EPHA3: variants seen among roughly 807,000 people sequenced by gnomAD.
EPHA3 encodes the protein ephrin type-A receptor 3.
Under a neutral mutation model 107.1 loss-of-function variants are expected in EPHA3, and 42 were observed. That is an observed-to-expected ratio of 0.39 (90% CI 0.31 to 0.51). The LOEUF (loss-of-function observed/expected upper bound fraction) is 0.51, where lower values mean the gene tolerates loss of function less well. Ranked by LOEUF, EPHA3 falls within the 20% of genes least tolerant of loss-of-function variation. The pLI is 0.78. For synonymous variants in EPHA3, 461 were observed against 424.8 expected (o/e 1.09, Z -1.05); for missense variants, 1,183 against 1,211.2 (o/e 0.98, Z 0.35).
intron 2 of EPHA3, among the ~76,000 whole-genome samples, chr3:89,195,220 C>G (rs1171183868): frequency 3.9e-5 from 6 of 151,998 alleles, no homozygotes; most frequent in Admixed American, 1.3e-4. Context: ...TGCTCCTCTT[C>G]TTTGCATAAG....
intron 2 of EPHA3, among the ~76,000 whole-genome samples, chr3:89,187,587 G>T (rs1019565885): frequency 4.0e-5 from 6 of 151,864 alleles, no homozygotes; most frequent in African/African-American, 1.4e-4. Context: ...AAATGAATTT[G>T]AGCTGATGAA....
At chr3:89,321,182 C>T (rs867274338) in intron 3 of EPHA3, among the ~76,000 whole-genome samples, 4 of 151,930 alleles carry the variant, frequency 2.6e-5, no homozygotes, top group Non-Finnish European at 5.9e-5. Flanking sequence ...AGGTTCTATG[C>T]TGCGAGCATA....
intron 2 of EPHA3, among the ~76,000 whole-genome samples, chr3:89,173,399 C>G (rs955203935): frequency 6.6e-6 from 1 of 152,044 alleles, no homozygotes; most frequent in Non-Finnish European, 1.5e-5. Context: ...CTTTTAACTT[C>G]TCACAGCAGA....
At chr3:89,431,993 A>G (rs1329206099) in intron 13 of EPHA3, among the ~76,000 whole-genome samples, 2 of 152,146 alleles carry the variant, frequency 1.3e-5, no homozygotes, top group Non-Finnish European at 2.9e-5. Flanking sequence ...TTCATTGTCA[A>G]TAAATAATCT....
chr3:89,151,919 C>A (rs1049192326), intron 2 of EPHA3, among the ~76,000 whole-genome samples: 1 of 152,150 alleles, frequency 6.6e-6, no homozygotes, highest in South Asian at 2.1e-4. Flanking sequence ...GATCCACTTA[C>A]CTTTACTCTT....
chr3:89,368,694 A>G (rs748160507), intron 5 of EPHA3, among the ~76,000 whole-genome samples: 1 of 150,354 alleles, frequency 6.7e-6, no homozygotes, highest in Non-Finnish European at 1.5e-5. Flanking sequence ...GCCTTGTTCT[A>G]TTTAGGCCTT....
At chr3:89,453,782 C>A (rs141386739) in intron 15 of EPHA3, among the ~76,000 whole-genome samples, 1 of 152,080 alleles carries the variant, frequency 6.6e-6, no homozygotes, top group Non-Finnish European at 1.5e-5. Context: ...GATGTCCTTG[C>A]CAAATGCTTT....
chr3:89,209,683 T>G (rs921488442), intron 2 of EPHA3, among the ~76,000 whole-genome samples, 177 bp from the exon 3 acceptor site: 15 of 152,154 alleles, frequency 9.9e-5, no homozygotes, highest in African/African-American at 3.1e-4. Context: ...TTCATCAAAA[T>G]TATAAATTAC....
At chr3:89,371,377 G>C (rs79323282) in intron 5 of EPHA3, among the ~76,000 whole-genome samples, 4 of 151,450 alleles carry the variant, frequency 2.6e-5, no homozygotes, top group Non-Finnish European at 3.0e-5. Context: ...CTTAACTATC[G>C]TCGACATTTT....
At chr3:89,229,288 C>G (rs1451544675) in intron 3 of EPHA3, among the ~76,000 whole-genome samples, 1 of 151,808 alleles carries the variant, frequency 6.6e-6, no homozygotes, top group Non-Finnish European at 1.5e-5. Context: ...ATAAATTACT[C>G]TGTAATTTAG....
At chr3:89,320,483 A>G (rs1344431908) in intron 3 of EPHA3, among the ~76,000 whole-genome samples, 1 of 152,068 alleles carries the variant, frequency 6.6e-6, no homozygotes, top group Non-Finnish European at 1.5e-5. Flanking sequence ...ATATTCTCCA[A>G]TGTAATCATT....
intron 15 of EPHA3, among the ~76,000 whole-genome samples, chr3:89,467,428 T>G (rs1038332387): frequency 2.6e-5 from 4 of 152,198 alleles, no homozygotes; most frequent in Non-Finnish European, 5.9e-5. Flanking sequence ...CATATACTTA[T>G]TCATTCAAGA....
At chr3:89,364,661 A>G (rs1444955731) in intron 5 of EPHA3, among the ~76,000 whole-genome samples, 1 of 150,770 alleles carries the variant, frequency 6.6e-6, no homozygotes, top group Non-Finnish European at 1.5e-5. Flanking sequence ...AAAAGGCAAC[A>G]CTTGTTTTTC....
intron 2 of EPHA3, among the ~76,000 whole-genome samples, chr3:89,181,953 G>A (rs1043282673): frequency 2.6e-5 from 4 of 151,666 alleles, no homozygotes; most frequent in African/African-American, 7.3e-5. Flanking sequence ...TCATGTAAAC[G>A]TCTTAGGCAA....
chr3:89,337,536 T>C (rs1707421418), intron 3 of EPHA3, among the ~76,000 whole-genome samples: 2 of 152,228 alleles, frequency 1.3e-5, no homozygotes, highest in Non-Finnish European at 2.9e-5. Flanking sequence ...TTATAGAATC[T>C]AGCATTTTAC....
At chr3:89,113,139 A>G (rs1266361134) in intron 1 of EPHA3, among the ~76,000 whole-genome samples, 2 of 152,184 alleles carry the variant, frequency 1.3e-5, no homozygotes, top group Non-Finnish European at 2.9e-5. Context: ...TGAAACATTC[A>G]TTATATTATT....
chr3:89,341,084 G>A lies in EPHA3; in HGVS notation c.970+13G>A. ...ATGGCTTGTACCCGTGAGTAGTTTT[G>A]CTGCAACCCATGCCTCCATGTTTGT... On this transcript the variant is annotated intron_variant, in intron 4 of 16. Coordinates refer to ENST00000336596, the MANE Select transcript of EPHA3 (RefSeq NM_005233.6). 5.0e-6 allele frequency: 8 copies of A among 1,609,746 alleles called. No homozygotes were observed. Among genetic ancestry groups the A allele is most frequent in the Non-Finnish European group, 6.8e-6 (8 of 1,178,532 alleles).
chr3:89,145,236 A>G (rs1252938391), intron 2 of EPHA3, among the ~76,000 whole-genome samples: 1 of 151,256 alleles, frequency 6.6e-6, no homozygotes, highest in East Asian at 1.9e-4. Flanking sequence ...AACAAGTTAG[A>G]AACATTCTAT....
At chr3:89,217,923 AT>A (rs1704256675) in intron 3 of EPHA3, among the ~76,000 whole-genome samples, 1 of 152,162 alleles carries the variant, frequency 6.6e-6, no homozygotes, top group Non-Finnish European at 1.5e-5. Flanking sequence ...GGTAAGGAAC[AT>A]TTTTGCTTCT....
Sources: allele counts gnomAD v4.1 joint callset (sites outside exome capture counted in the v4.1 genomes callset), GRCh38; gene constraint gnomAD v4.1.1; transcripts MANE v1.5; gene names NCBI Gene and HGNC (gene_info 2026-07-23, HGNC 2026-07-21).